The following ZNF275 variants were observed in gnomAD, a reference collection of about 807,000 sequenced individuals.
The protein encoded by ZNF275 is zinc finger protein 275.
In ZNF275, 4 loss-of-function variants were observed where a neutral mutation model predicts 4.3. That is an observed-to-expected ratio of 0.93 (90% CI 0.46 to 2.13). ZNF275 has a LOEUF of 2.13. Ranked by LOEUF, ZNF275 falls within the 30% of genes most tolerant of loss-of-function variation. The pLI, the probability that ZNF275 is intolerant of heterozygous loss-of-function variation, is 0.02. For missense variants in ZNF275, 352 were observed against 397.1 expected, an observed-to-expected ratio of 0.89 and a Z score of 0.97; for synonymous variants, 173 against 166.9, an observed-to-expected ratio of 1.04 and a Z score of -0.28.
Position 153,346,849 on chromosome X carries a change from A to T in ZNF275, c.164A>T (p.Lys55Met). The T allele has an allele frequency of 8.3e-7, 1 of 1,203,662 alleles. No individual in the cohort carries two copies. The highest frequency in any genetic ancestry group is 1.8e-5 in the South Asian group (1 of 55,696). The change falls in exon 4 of 4, where the codon AAG becomes ATG. Residue 55 changes from lysine to methionine, a missense_variant. By Grantham distance (95) the Lys-to-Met change is moderately conservative. Coordinates refer to ENST00000650114, the MANE Select transcript of ZNF275 (RefSeq NM_001367757.1). ...ESTSATRHQM[K>M]GEDAQPQEMA... The stretch of plus-strand genomic sequence containing the variant: ...ACCTCCGCGACCCGACACCAGATGA[A>T]GGGGGAAGATGCCCAGCCACAGGAG...
intron 2 of ZNF275, 111 bp downstream of exon 2, chrX:153,336,821 G>T: frequency 1.2e-6 from 1 of 804,703 alleles, no homozygotes; most frequent in Non-Finnish European, 1.8e-6. Flanking sequence ...TTTGGTTCCG[G>T]AAGCACTTAT....
At chrX:153,337,621 T>A (rs2088454721) in intron 2 of ZNF275, among the ~76,000 whole-genome samples, 1 of 112,582 alleles carries the variant, frequency 8.9e-6, no homozygotes, top group African/African-American at 3.2e-5. Context: ...TTAGAAAGCA[T>A]AATTTTTCAA....
rs1389920752 is a variant in ZNF275, at chrX:153,346,803, G to A, written c.134-16G>A. The A allele has an allele frequency of 8.5e-7, 1 of 1,177,654 alleles. No individual in the cohort carries two copies. The highest frequency in any genetic ancestry group is 1.8e-5 in the African/African-American group (1 of 56,412). On this transcript the variant is annotated splice_polypyrimidine_tract_variant and intron_variant, in intron 3 of 3. Transcript: ENST00000650114. ...CATCCTCTGCAGACTACACTGCCTT[G>A]TGTTTATCGTTTCAGAAAGCACCTC... is the stretch of plus-strand genomic sequence containing the variant.
At chrX:153,338,534 G>A (rs1263365636) in intron 2 of ZNF275, among the ~76,000 whole-genome samples, 1 of 111,009 alleles carries the variant, frequency 9.0e-6, no homozygotes, top group Non-Finnish European at 1.9e-5. Context: ...TCATTTGGGG[G>A]TTGTGGCTCC....
At chrX:153,346,704 G>A (rs1480621711) in intron 3 of ZNF275, 115 bp from the exon 4 acceptor site, 1 of 831,692 alleles carries the variant, frequency 1.2e-6, no homozygotes, top group Non-Finnish European at 1.6e-6. Flanking sequence ...GTGGCTTCCG[G>A]GCCCAGGCCC....
Position 153,349,796 on chromosome X carries a change from T to C in ZNF275, c.*1821T>C, listed in dbSNP as rs992477119. 8.1e-6 allele frequency: 1 copy of C among 123,185 alleles called. No individual in the cohort carries two copies. 10.2% of individuals were successfully genotyped at this position (123,185 alleles called of 1,213,427 possible). A position where few individuals can be genotyped will look rare whatever the true frequency, so the allele number is the denominator to read the frequency against. On this transcript the variant is annotated 3_prime_UTR_variant, in exon 4 of 4. Transcript: ENST00000650114. ...AAGCAGGCTCTTTCCTCATCCGAGA[T>C]GCGGACTCCCTGTCTATCTGTGGGC...
In ZNF275 at chrX:153,347,877, A is replaced by C; in HGVS notation, c.1192A>C (p.Ile398Leu). The change falls in exon 4 of 4, where the codon ATC (isoleucine) becomes CTC (leucine). Residue 398 changes from isoleucine to leucine, a missense_variant. Coordinates refer to ENST00000650114, the MANE Select transcript of ZNF275 (RefSeq NM_001367757.1). ...RSSGLSRHRRIHSGARRCECS... is the reference protein window; with the variant it reads ...RSSGLSRHRRLHSGARRCECS... ...CTCCGGCCTCAGTCGCCACCGGCGG[A>C]TCCACAGTGGGGCGCGGCGCTGCGA... 4 of 1,202,052 alleles carry C rather than the reference A, an allele frequency of 3.3e-6. No individual in the cohort carries two copies. Among genetic ancestry groups the C allele is most frequent in the Non-Finnish European group, 4.5e-6 (4 of 890,389 alleles).
At position 153,345,559 on chromosome X, in the gene ZNF275, C is replaced by A; in HGVS notation, c.71C>A (p.Ala24Glu). ...VLNPALVPHL[A>E]QGQVLLVSDP... The stretch of plus-strand genomic sequence containing the variant: ...AATCCTGCCTTGGTCCCTCACCTGG[C>A]ACAAGGACAAGTGCTACTGGTGTCA... Residue 24 changes from alanine to glutamate, a missense_variant, in exon 3 of 4, where the codon GCA (alanine) becomes GAA (glutamate). Ala to Glu is a moderately radical substitution (Grantham distance 107). Coordinates refer to ENST00000650114, the MANE Select transcript of ZNF275 (RefSeq NM_001367757.1). The A allele has an allele frequency of 8.3e-7, 1 of 1,211,154 alleles. No homozygotes were observed. The highest frequency in any genetic ancestry group is 1.1e-6 in the Non-Finnish European group (1 of 894,684).
intron 1 of ZNF275, among the ~76,000 whole-genome samples, chrX:153,334,852 C>A (rs2088433998): frequency 1.6e-5 from 1 of 60,927 alleles, no homozygotes; most frequent in African/African-American, 8.1e-5. Flanking sequence ...TCCCTCCTTT[C>A]CTTTTGAGTG....
rs1556961766 is a variant in ZNF275, at chrX:153,347,487, G to A, written c.802G>A (p.Asp268Asn). Residue 268 changes from aspartate (D) to asparagine (N), a missense_variant, in exon 4 of 4, where the codon GAC becomes AAC. Transcript: ENST00000650114. ...MHTGHLPFDCDDCGKSFRGVN... is the reference protein window; with the variant it reads ...MHTGHLPFDCNDCGKSFRGVN... ...CACTGGCCACCTGCCCTTCGACTGC[G>A]ACGACTGCGGCAAGTCCTTCCGAGG... The A allele has an allele frequency of 6.7e-6, 8 of 1,202,305 alleles. No individual in the cohort carries two copies. Among genetic ancestry groups the A allele is most frequent in the Non-Finnish European group, 1.1e-6 (1 of 890,977 alleles).
At position 153,348,022 on chromosome X, in the gene ZNF275, A is replaced by T. The variant is rs1556961907; in HGVS notation, c.*47A>T. 13 of 1,065,980 alleles carry T rather than the reference A, an allele frequency of 1.2e-5. No homozygotes were observed. The highest frequency in any genetic ancestry group is 1.6e-5 in the Non-Finnish European group (13 of 816,508). The allele number at this position is 1,065,980 out of a possible 1,213,427, so 87.8% of individuals were successfully genotyped here. ...GACAGGGACGGAGTCCCCAGAGGGG[A>T]TGGCAGAGTCAAAGGAGATGAACAG... On this transcript the variant is annotated 3_prime_UTR_variant, in exon 4 of 4. Coordinates refer to ENST00000650114, the MANE Select transcript of ZNF275 (RefSeq NM_001367757.1).
intron 2 of ZNF275, among the ~76,000 whole-genome samples, chrX:153,339,929 C>T (rs1318867266): frequency 8.9e-6 from 1 of 111,839 alleles, no homozygotes; most frequent in Non-Finnish European, 1.9e-5. Context: ...GAAGAGGTCT[C>T]TAACAGGTCC....
At position 153,345,561 on chromosome X, in the gene ZNF275, C is replaced by T. The variant is rs782321250; in HGVS notation, c.73C>T (p.Gln25Ter). Residue 25 changes from glutamine to a stop codon, truncating the protein, a stop_gained, in exon 3 of 4, where the codon CAA (glutamine) becomes TAA (stop). Transcript: ENST00000650114. LOFTEE classifies it high-confidence loss of function. ...LNPALVPHLA[Q>*]GQVLLVSDPS... Reference sequence around the variant, plus strand: ...TCCTGCCTTGGTCCCTCACCTGGCACAAGGACAAGTGCTACTGGTGTCAGA... The same window carrying T: ...TCCTGCCTTGGTCCCTCACCTGGCATAAGGACAAGTGCTACTGGTGTCAGA... 5.8e-6 allele frequency: 7 copies of T among 1,211,378 alleles called. No individual in the cohort carries two copies. The South Asian group carries it at 1.2e-4, about 21-fold the overall frequency.
chrX:153,339,734 G>T (rs1186279348), intron 2 of ZNF275, among the ~76,000 whole-genome samples: 2 of 111,433 alleles, frequency 1.8e-5, no homozygotes, highest in Non-Finnish European at 3.8e-5. Context: ...TCCATGAGAA[G>T]CCCATGGTAT....
intron 2 of ZNF275, among the ~76,000 whole-genome samples, chrX:153,338,074 T>C (rs1483381016): frequency 9.0e-6 from 1 of 111,593 alleles, no homozygotes; most frequent in Non-Finnish European, 1.9e-5. Context: ...CAGAAGGCAG[T>C]GGACACCTGC....
At chrX:153,344,271 C>A in intron 2 of ZNF275, 1 of 307,141 alleles carries the variant, frequency 3.3e-6, no homozygotes, top group South Asian at 3.0e-5. Context: ...TGAATCTGGC[C>A]TCAGCCTCTG....
At chrX:153,344,771 C>T (rs782111309) in intron 2 of ZNF275, 15 of 99,533 alleles carry the variant, frequency 1.5e-4, no homozygotes, top group Admixed American at 2.3e-4. Flanking sequence ...GGGAACGTGA[C>T]CTCTGTGGGT....
At chrX:153,337,596 A>G (rs782044033) in intron 2 of ZNF275, among the ~76,000 whole-genome samples, 11 of 112,622 alleles carry the variant, frequency 9.8e-5, no homozygotes, top group Non-Finnish European at 1.9e-4. Flanking sequence ...GTTCACTCAC[A>G]TGAGCTTTCA....
chrX:153,338,744 G>C, intron 2 of ZNF275, among the ~76,000 whole-genome samples: 1 of 107,202 alleles, frequency 9.3e-6, no homozygotes, highest in South Asian at 4.3e-4. Context: ...CGAAGAAAGA[G>C]AGAGAGGAAT....
Sources: gnomAD v4.1 joint callset for allele counts (sites outside exome capture counted in the v4.1 genomes callset) on GRCh38, gnomAD v4.1.1 for gene constraint, MANE v1.5 for transcripts, NCBI Gene and HGNC (gene_info 2026-07-23, HGNC 2026-07-21) for gene names.